The following NRG1 variants were observed in gnomAD, a reference collection of about 807,000 sequenced individuals.
NRG1 encodes the protein neuregulin 1, also known as pro-neuregulin-1, membrane-bound isoform.
A neutral mutation model predicts 63.8 loss-of-function variants in NRG1; 18 were observed. The observed-to-expected ratio is 0.28, with a 90% CI of 0.19 to 0.42. NRG1 has a LOEUF of 0.42. Ranked by LOEUF, NRG1 falls within the 10% of genes least tolerant of loss-of-function variation. NRG1 has a pLI of 1.00. For missense variants in NRG1, 762 were observed against 814.7 expected, an observed-to-expected ratio of 0.94 and a Z score of 0.79; for synonymous variants, 302 against 301.3, an observed-to-expected ratio of 1.00 and a Z score of -0.02.
At chr8:32,151,089 G>A (rs1837453679) in intron 1 of NRG1, among the ~76,000 whole-genome samples, 1 of 152,096 alleles carries the variant, frequency 6.6e-6, no homozygotes, top group Admixed American at 6.5e-5. Context: ...GAAATGGAAT[G>A]TATATCAATA....
chr8:32,764,577 A>AT, exon 12 of NRG1: 2 of 529,306 alleles, frequency 3.8e-6, no homozygotes, highest in Middle Eastern at 5.1e-4. Flanking sequence ...ATATGTAGCA[A>AT]TTTTTTACAG....
chr8:32,677,886 C>G (rs1563926277), intron 5 of NRG1, among the ~76,000 whole-genome samples: 1 of 152,072 alleles, frequency 6.6e-6, no homozygotes, highest in Non-Finnish European at 1.5e-5. Context: ...AGGACCAAAA[C>G]TTTTTTCTCA....
intron 1 of NRG1, among the ~76,000 whole-genome samples, chr8:31,843,892 C>G (rs539877661): frequency 9.2e-5 from 14 of 152,212 alleles, no homozygotes; most frequent in African/African-American, 2.9e-4. Flanking sequence ...GGTAAGTATG[C>G]TCTTTAGTGG....
At chr8:32,570,886 A>G (rs1329058046) in intron 1 of NRG1, among the ~76,000 whole-genome samples, 1 of 152,192 alleles carries the variant, frequency 6.6e-6, no homozygotes, top group Non-Finnish European at 1.5e-5. Context: ...TAGGTGAATG[A>G]TATGAATTTG....
chr8:32,556,181 TTTAC>T (rs1835140344), intron 1 of NRG1, among the ~76,000 whole-genome samples: 1 of 152,276 alleles, frequency 6.6e-6, no homozygotes, highest in South Asian at 2.1e-4. Context: ...GTAATTTGAC[TTTAC>T]TTATTCTTTA....
At chr8:31,860,592 C>T (rs923540077) in intron 1 of NRG1, among the ~76,000 whole-genome samples, 3 of 152,062 alleles carry the variant, frequency 2.0e-5, no homozygotes, top group Non-Finnish European at 4.4e-5. Context: ...GTGTGCCCCA[C>T]CATAATAATA....
At chr8:32,047,629 C>T (rs992164049) in intron 1 of NRG1, among the ~76,000 whole-genome samples, 6 of 151,722 alleles carry the variant, frequency 4.0e-5, no homozygotes, top group African/African-American at 1.5e-4. Context: ...AGGATAGATT[C>T]CTTTTTATTT....
At chr8:32,175,419 C>G (rs1429816754) in intron 1 of NRG1, among the ~76,000 whole-genome samples, 1 of 152,132 alleles carries the variant, frequency 6.6e-6, no homozygotes, top group Non-Finnish European at 1.5e-5. Context: ...TGAAAACTGG[C>G]ACAAGACAGG....
At chr8:32,348,277 T>C (rs1372610832) in intron 1 of NRG1, among the ~76,000 whole-genome samples, 7 of 152,194 alleles carry the variant, frequency 4.6e-5, no homozygotes, top group African/African-American at 1.4e-4. Context: ...TTTTGTTTTA[T>C]CTCACTTCCA....
At chr8:32,097,037 A>G (rs1829988695) in intron 1 of NRG1, among the ~76,000 whole-genome samples, 1 of 151,792 alleles carries the variant, frequency 6.6e-6, no homozygotes, top group African/African-American at 2.4e-5. Context: ...CTATATTTCT[A>G]CTCTTTATCT....
Position 32,060,193 on chromosome 8 carries a change from C to T in NRG1, c.37+420762C>T, listed in dbSNP as rs1823608803. Among the ~76,000 whole-genome samples, 3 of 151,788 alleles carry T rather than the reference C, an allele frequency of 2.0e-5. No homozygotes were observed. The South Asian group carries it at 6.2e-4, about 31-fold the overall frequency. On this transcript the variant is annotated intron_variant, in intron 1 of 10. Transcript: ENST00000519301. ...TCATCTTGCCTGTCTTAGTCTTTAT[C>T]CATAATATTGCCAGATCTCCTAATA...
At chr8:32,024,843 A>G (rs1243004020) in intron 1 of NRG1, among the ~76,000 whole-genome samples, 1 of 152,258 alleles carries the variant, frequency 6.6e-6, no homozygotes, top group African/African-American at 2.4e-5. Flanking sequence ...GAGAAAATAA[A>G]GAACAGTAAG....
At chr8:32,189,594 G>A (rs1274543601) in intron 1 of NRG1, among the ~76,000 whole-genome samples, 1 of 152,114 alleles carries the variant, frequency 6.6e-6, no homozygotes, top group Non-Finnish European at 1.5e-5. Context: ...AATGAAATAA[G>A]AAAGCAACTA....
chr8:32,548,820 A>G (rs765569877), exon 1 of NRG1: 1 of 1,568,466 alleles, frequency 6.4e-7, no homozygotes, highest in East Asian at 2.3e-5. Flanking sequence ...GGGCAGCCAG[A>G]GCCCAGGTGG....
At chr8:31,964,216 G>A (rs1324302880) in intron 1 of NRG1, among the ~76,000 whole-genome samples, 1 of 152,194 alleles carries the variant, frequency 6.6e-6, no homozygotes, top group Non-Finnish European at 1.5e-5. Flanking sequence ...AATAGGGTAG[G>A]ATGTGATGAA....
At chr8:32,217,551 A>T (rs1017380284) in intron 1 of NRG1, among the ~76,000 whole-genome samples, 5 of 152,182 alleles carry the variant, frequency 3.3e-5, no homozygotes, top group African/African-American at 1.2e-4. Flanking sequence ...TGCAATTGCC[A>T]TCCTTTTTGA....
chr8:32,136,731 T>C (rs1482365845), intron 1 of NRG1: 1 of 152,152 alleles, frequency 6.6e-6, no homozygotes, highest in Non-Finnish European at 1.5e-5. Flanking sequence ...GTTTGAACGT[T>C]GTGGGGTAAA....
intron 1 of NRG1, among the ~76,000 whole-genome samples, chr8:31,856,574 C>T (rs187065163): frequency 2.6e-5 from 4 of 152,298 alleles, no homozygotes; most frequent in East Asian, 3.9e-4. Flanking sequence ...TCCCGTAGCT[C>T]GGAGTAATTT....
At chr8:32,072,645 T>C (rs908598979) in intron 1 of NRG1, among the ~76,000 whole-genome samples, 5 of 152,192 alleles carry the variant, frequency 3.3e-5, no homozygotes, top group African/African-American at 1.2e-4. Context: ...TTGTTTTTAC[T>C]TTTCTTCTGG....
Sources: allele counts gnomAD v4.1 joint callset (sites outside exome capture counted in the v4.1 genomes callset), GRCh38; gene constraint gnomAD v4.1.1; transcripts MANE v1.5; gene names NCBI Gene and HGNC (gene_info 2026-07-23, HGNC 2026-07-21).